CBR3: variants seen among roughly 807,000 people sequenced by gnomAD.
CBR3 encodes the protein carbonyl reductase 3.
In CBR3, 14 loss-of-function variants were observed where a neutral mutation model predicts 11.6. The ratio of observed to expected loss-of-function variants is 1.20; its 90% CI spans 0.79 to 1.88. The LOEUF (loss-of-function observed/expected upper bound fraction) is 1.88. CBR3 is among the 40% of genes most tolerant of loss of function. The pLI, the probability that CBR3 is intolerant of heterozygous loss-of-function variation, is 0.00. For missense variants in CBR3, 308 were observed against 357.3 expected (o/e 0.86, Z 1.11); for synonymous variants, 125 against 145.6 (o/e 0.86, Z 1.02).
chr21:36,144,552 G>A (rs2065739837), intron 2 of CBR3, among the ~76,000 whole-genome samples: 1 of 114,936 alleles, frequency 8.7e-6, no homozygotes, highest in African/African-American at 3.5e-5. Context: ...ACTTGATCCT[G>A]GGAGGCGGAG....
Position 36,135,437 on chromosome 21 carries a change from G to C in CBR3, c.245G>C (p.Gly82Ala), listed in dbSNP as rs1444200362. Residue 82 changes from glycine (G) to alanine (A), a missense_variant, in exon 1 of 3, where the codon GGG (glycine) becomes GCG (alanine). Transcript: ENST00000290354. ...ALRDFLRKEY[G>A]GLNVLVNNAA... ...CGCGACTTCCTGCGCAAGGAGTACG[G>C]GGGGCTCAACGTACTGGTCAACAAC... 6.2e-7 allele frequency: 1 copy of C among 1,613,528 alleles called. No homozygotes were observed. Among genetic ancestry groups the C allele is most frequent in the Non-Finnish European group, 8.5e-7 (1 of 1,179,776 alleles).
intron 2 of CBR3, among the ~76,000 whole-genome samples, chr21:36,143,725 C>T (rs2242803): frequency 0.35 from 53,755 of 151,518 alleles, 10,720 homozygotes; most frequent in Admixed American, 0.44. Flanking sequence ...ACGAAAAATA[C>T]AAAAATTATT....
At chr21:36,143,956 A>G (rs1601355677) in intron 2 of CBR3, among the ~76,000 whole-genome samples, 2 of 151,948 alleles carry the variant, frequency 1.3e-5, no homozygotes, top group East Asian at 3.9e-4. Context: ...TGAAGTGTCC[A>G]TAATGAAGGA....
chr21:36,138,205 T>C, intron 2 of CBR3: 1 of 313,336 alleles, frequency 3.2e-6, no homozygotes, highest in Non-Finnish European at 6.0e-6. Context: ...TGTAGTGCAA[T>C]GGTGTGATCT....
At chr21:36,139,881 CTT>C (rs10689993) in intron 2 of CBR3, among the ~76,000 whole-genome samples, 7 of 89,866 alleles carry the variant, frequency 7.8e-5, no homozygotes, top group Admixed American at 1.6e-4. Context: ...GATGCAAAAC[CTT>C]TTTTTTTTTT....
rs45527031 is a variant in CBR3 at position 36,140,628 on chromosome 21, C to A, written c.397+2696C>A. ...TCCAGAGCACCTGCAGTTCTCCCTGCAGGCTTTCTCTGATCCCATCCCACT... is the reference window on the plus strand; with the variant it reads ...TCCAGAGCACCTGCAGTTCTCCCTGAAGGCTTTCTCTGATCCCATCCCACT... On this transcript the variant is annotated intron_variant, in intron 2 of 2. Transcript: ENST00000290354. Among the ~76,000 whole-genome samples the A allele has an allele frequency of 1.3e-3, 192 of 152,148 alleles. 1 individual carries two copies. The highest frequency in any genetic ancestry group is 4.5e-3 in the African/African-American group (186 of 41,510).
Position 36,136,260 on chromosome 21 carries a change from G to A in CBR3, c.289+779G>A, listed in dbSNP as rs45493294. On this transcript the variant is annotated intron_variant, in intron 1 of 2. Coordinates refer to ENST00000290354, the MANE Select transcript of CBR3 (RefSeq NM_001236.4). ...TTGAACCTGGGAGGCAGTGAGCCGA[G>A]ATCGCGCCACTGCACTCCAGACTGG... Among the ~76,000 whole-genome samples the A allele has an allele frequency of 4.3e-3, 640 of 149,544 alleles. 4 individuals are homozygous for A. The highest frequency in any genetic ancestry group is 6.7e-3 in the Non-Finnish European group (451 of 67,724).
In CBR3 at chr21:36,146,266, G is replaced by T. The variant is rs1223226736; in HGVS notation, c.588G>T (p.Val196=). The T allele has an allele frequency of 8.7e-6, 14 of 1,614,064 alleles. No homozygotes were observed. Among genetic ancestry groups the T allele is most frequent in the Middle Eastern group, 1.6e-4 (1 of 6,084 alleles). ...GCTGGCCCAACTCACCTTATGGGGT[G>T]TCCAAGTTGGGGGTCACGGTCTTAT... is the stretch of plus-strand genomic sequence containing the variant. ...REGWPNSPYG[V]SKLGVTVLSR... is the part of the protein sequence containing the mutation. The change falls in exon 3 of 3, where the codon GTG becomes GTT. Residue 196 remains valine, a synonymous_variant. Transcript: ENST00000290354.
rs148150797 is a variant in CBR3, at chr21:36,146,292, C to T, written c.614C>T (p.Ser205Leu). 10 of 1,614,000 alleles carry T rather than the reference C, an allele frequency of 6.2e-6. No homozygotes were observed. The East Asian group carries it at 6.7e-5, about 11-fold the overall frequency. ...TCCAAGTTGGGGGTCACGGTCTTAT[C>T]GAGGATCCTGGCCAGGCGTCTGGAT... The part of the protein sequence containing the change: ...GVSKLGVTVL[S>L]RILARRLDEK... The change falls in exon 3 of 3, where the codon TCG (serine) becomes TTG (leucine). Residue 205 changes from serine to leucine, a missense_variant. Transcript: ENST00000290354.
rs1432818403 is a variant in CBR3 at position 36,135,349 on chromosome 21, G to C, written c.157G>C (p.Glu53Gln). 6.2e-7 allele frequency: 1 copy of C among 1,612,662 alleles called. No individual in the cohort carries two copies. Reference sequence around the variant, plus strand: ...GGCGGCCGTGCAGCAGCTGCAGGCGGAGGGCCTGAGCCCGCGCTTCCACCA... The same window carrying C: ...GGCGGCCGTGCAGCAGCTGCAGGCGCAGGGCCTGAGCCCGCGCTTCCACCA... Reference protein sequence around the residue: ...GQAAVQQLQAEGLSPRFHQLD... With the variant: ...GQAAVQQLQAQGLSPRFHQLD... The change falls in exon 1 of 3, where the codon GAG (glutamate) becomes CAG (glutamine). Residue 53 changes from glutamate (E) to glutamine (Q), a missense_variant. Coordinates refer to ENST00000290354, the MANE Select transcript of CBR3 (RefSeq NM_001236.4).
intron 2 of CBR3, 90 bp downstream of exon 2, chr21:36,138,022 C>T: frequency 1.4e-6 from 1 of 714,022 alleles, no homozygotes. Flanking sequence ...GCAGAAATCA[C>T]TCAGGGGTGC....
At chr21:36,141,918 T>A (rs1196506257) in intron 2 of CBR3, 2 of 984,138 alleles carry the variant, frequency 2.0e-6, no homozygotes, top group Non-Finnish European at 2.4e-6. Flanking sequence ...ATTTAATTCC[T>A]TGTAGCCGCC....
intron 2 of CBR3, among the ~76,000 whole-genome samples, chr21:36,141,121 A>G (rs1485844102): frequency 1.3e-5 from 2 of 151,932 alleles, no homozygotes; most frequent in African/African-American, 4.8e-5. Flanking sequence ...AAAATTAAAA[A>G]TTAGCTGGGC....
At chr21:36,145,969 A>AAC in intron 2 of CBR3, 107 bp from the exon 3 acceptor site, 1 of 788,746 alleles carries the variant, frequency 1.3e-6, no homozygotes, top group Non-Finnish European at 1.9e-6. Flanking sequence ...TCAAAAAAAA[A>AAC]AAAAAAAAAA....
intron 1 of CBR3, among the ~76,000 whole-genome samples, chr21:36,136,031 G>A (rs1350065774): frequency 1.3e-5 from 2 of 152,176 alleles, no homozygotes; most frequent in Non-Finnish European, 2.9e-5. Flanking sequence ...AAGGAAGCGA[G>A]CCTTCTCGTT....
Position 36,135,283 on chromosome 21 carries a change from G to A in CBR3, c.91G>A (p.Gly31Arg), listed in dbSNP as rs2123332926. ...GCGCGAACTGTGCCGACAGTTCTCT[G>A]GGGATGTGGTGCTCACCGCGCGGGA... is the stretch of plus-strand genomic sequence containing the variant. ...IARELCRQFS[G>R]DVVLTARDVA... The change falls in exon 1 of 3, where the codon GGG (glycine) becomes AGG (arginine). Residue 31 changes from glycine (G) to arginine (R), a missense_variant. Physicochemically the swap from Gly to Arg is moderately radical, Grantham distance 125. Transcript: ENST00000290354. 1 of 1,608,394 alleles carries A rather than the reference G, an allele frequency of 6.2e-7. No individual in the cohort carries two copies. The highest frequency in any genetic ancestry group is 1.3e-5 in the African/African-American group (1 of 74,928).
chr21:36,142,835 A>T (rs2065724013), intron 2 of CBR3, among the ~76,000 whole-genome samples: 1 of 152,120 alleles, frequency 6.6e-6, no homozygotes, highest in African/African-American at 2.4e-5. Context: ...TTTGAAAGTG[A>T]GAGAGAGAAG....
In CBR3 at chr21:36,146,367, C is replaced by A. The variant is rs1220765183; in HGVS notation, c.689C>A (p.Pro230Gln). The A allele has an allele frequency of 4.3e-6, 7 of 1,614,000 alleles. No individual in the cohort carries two copies. Among genetic ancestry groups the A allele is most frequent in the African/African-American group, 4.0e-5 (3 of 74,906 alleles). The change falls in exon 3 of 3, where the codon CCA becomes CAA. Residue 230 changes from proline to glutamine, a missense_variant. Pro to Gln is a moderately conservative substitution (Grantham distance 76, BLOSUM62 -1). Coordinates refer to ENST00000290354, the MANE Select transcript of CBR3 (RefSeq NM_001236.4). ...RILVNACCPG[P>Q]VKTDMDGKDS... ...CTGGTGAATGCGTGCTGCCCAGGAC[C>A]AGTGAAGACAGACATGGATGGGAAA...
At chr21:36,135,728 G>T in intron 1 of CBR3, 3 of 466,796 alleles carry the variant, frequency 6.4e-6, no homozygotes, top group Non-Finnish European at 1.1e-5. Flanking sequence ...GCGGCCCGGG[G>T]CCCTCCCCGA....
Sources: allele counts gnomAD v4.1 joint callset (sites outside exome capture counted in the v4.1 genomes callset), GRCh38; gene constraint gnomAD v4.1.1; transcripts MANE v1.5; gene names NCBI Gene and HGNC (gene_info 2026-07-23, HGNC 2026-07-21).